TATDN3: variants seen among roughly 807,000 people sequenced by gnomAD.
TATDN3 encodes deoxyribonuclease TATDN3.
A neutral mutation model predicts 40.1 loss-of-function variants in TATDN3; 29 were observed. The observed-to-expected ratio is 0.72, with a 90% CI of 0.54 to 0.99. The LOEUF is 0.99. Ranked by LOEUF, TATDN3 falls within the 50% of genes least tolerant of loss-of-function variation. The probability of loss-of-function intolerance (pLI) is 0.00; values close to 1 mark genes in which losing one functional copy is unlikely to be tolerated. For synonymous variants in TATDN3, 105 were observed against 117.0 expected (o/e 0.90, Z 0.66); for missense variants, 309 against 321.9 (o/e 0.96, Z 0.31).
intron 3 of TATDN3, 189 bp downstream of exon 3, chr1:212,796,779 C>A: frequency 2.0e-6 from 1 of 493,602 alleles, no homozygotes. Context: ...GCTCTGTCAC[C>A]CAAGCTGGAG....
intron 3 of TATDN3, 39 bp from the exon 4 acceptor site, chr1:212,797,073 C>A: frequency 1.4e-6 from 2 of 1,472,394 alleles, no homozygotes; most frequent in Non-Finnish European, 1.9e-6. Context: ...ATCTACTAGT[C>A]TACTGTTCCT....
At chr1:212,801,213 A>G (rs1430241442) in intron 4 of TATDN3, among the ~76,000 whole-genome samples, 1 of 151,914 alleles carries the variant, frequency 6.6e-6, no homozygotes, top group Non-Finnish European at 1.5e-5. Flanking sequence ...CAAAAACACA[A>G]AAGTATAATA....
intron 4 of TATDN3, 90 bp from the exon 5 acceptor site, chr1:212,802,611 C>G: frequency 1.2e-6 from 1 of 848,186 alleles, no homozygotes; most frequent in Non-Finnish European, 2.0e-6. Flanking sequence ...TGTAAAGCAC[C>G]AGGATGGCAT....
At position 212,796,601 on chromosome 1, in the gene TATDN3, T is replaced by A. The variant is rs769909996; in HGVS notation, c.173+11T>A. On this transcript the variant is annotated intron_variant, in intron 3 of 9. Coordinates refer to ENST00000366974, the MANE Select transcript of TATDN3 (RefSeq NM_001042552.3). ...GCAACTTTCAGAAAGGTGCTACTTT[T>A]AATTAAGATTTTAAAGGGTTGCTAA... The A allele has an allele frequency of 1.9e-6, 3 of 1,551,824 alleles. No homozygotes were observed. The highest frequency in any genetic ancestry group is 2.6e-6 in the Non-Finnish European group (3 of 1,151,764).
chr1:212,814,063 TC>T (rs138970072), intron 9 of TATDN3, among the ~76,000 whole-genome samples: 3,250 of 152,118 alleles, frequency 0.021, 57 homozygotes, highest in Non-Finnish European at 0.033. Flanking sequence ...CAAGTGATCC[TC>T]CCACCTCGGC....
In TATDN3 at chr1:212,795,083, T is replaced by C; in HGVS notation, c.67-12T>C. ...CATCTAAAATAATGGTGATTTCTTA[T>C]GCTTGTTTTAGGATTTGGATGATGT... On this transcript the variant is annotated splice_polypyrimidine_tract_variant and intron_variant, in intron 1 of 9. Transcript: ENST00000366974. The C allele has an allele frequency of 1.2e-6, 2 of 1,608,814 alleles. No homozygotes were observed. Among genetic ancestry groups the C allele is most frequent in the Non-Finnish European group, 1.7e-6 (2 of 1,175,522 alleles).
intron 8 of TATDN3, among the ~76,000 whole-genome samples, chr1:212,809,266 G>A (rs1219374499): frequency 6.6e-6 from 1 of 152,196 alleles, no homozygotes; most frequent in Non-Finnish European, 1.5e-5. Flanking sequence ...TCTTTTTGGA[G>A]TGATGAAAAT....
At chr1:212,792,915 CA>C (rs1661449505) in intron 1 of TATDN3, 1 of 152,236 alleles carries the variant, frequency 6.6e-6, no homozygotes, top group African/African-American at 2.4e-5. Context: ...GGTTTTATTT[CA>C]GGGGGAAATC....
intron 4 of TATDN3, among the ~76,000 whole-genome samples, chr1:212,799,882 ATGT>A (rs1662066432): frequency 6.6e-6 from 1 of 152,194 alleles, no homozygotes; most frequent in South Asian, 2.1e-4. Flanking sequence ...AACTTATCAA[ATGT>A]TGTGATAATA....
intron 8 of TATDN3, among the ~76,000 whole-genome samples, chr1:212,810,295 G>A (rs1032743611): frequency 2.6e-5 from 4 of 151,890 alleles, no homozygotes; most frequent in East Asian, 1.9e-4. Context: ...GGATCACGAC[G>A]TGGTCAGGAG....
At chr1:212,801,088 G>C (rs1662147750) in intron 4 of TATDN3, among the ~76,000 whole-genome samples, 1 of 151,790 alleles carries the variant, frequency 6.6e-6, no homozygotes, top group Non-Finnish European at 1.5e-5. Flanking sequence ...TACTCGAGAG[G>C]CTGAGATGGG....
At chr1:212,806,440 T>C (rs1662472696) in intron 7 of TATDN3, among the ~76,000 whole-genome samples, 1 of 147,662 alleles carries the variant, frequency 6.8e-6, no homozygotes, top group South Asian at 2.2e-4. Flanking sequence ...GGGCGATCTC[T>C]GCTCACTGCA....
intron 8 of TATDN3, among the ~76,000 whole-genome samples, chr1:212,810,726 T>C (rs537695506): frequency 6.6e-6 from 1 of 151,820 alleles, no homozygotes; most frequent in Non-Finnish European, 1.5e-5. Context: ...ACATAAAGCT[T>C]TGAGTGCCTT....
At chr1:212,805,528 T>TCGCACCAC (rs1662406585) in intron 7 of TATDN3, among the ~76,000 whole-genome samples, 1 of 152,206 alleles carries the variant, frequency 6.6e-6, no homozygotes, top group Non-Finnish European at 1.5e-5. Flanking sequence ...AGTGCTGGGA[T>TCGCACCAC]TACAGGCGTG....
At chr1:212,806,843 T>TACACATATATACATATATAC (rs1662551723) in intron 7 of TATDN3, among the ~76,000 whole-genome samples, 1 of 96,074 alleles carries the variant, frequency 1.0e-5, no homozygotes, top group Non-Finnish European at 2.0e-5. Flanking sequence ...TATACATATA[T>TACACATATATACATATATAC]ACACATATAT....
At chr1:212,808,425 GAAA>G (rs1662674197) in intron 8 of TATDN3, among the ~76,000 whole-genome samples, 1 of 150,908 alleles carries the variant, frequency 6.6e-6, no homozygotes, top group Non-Finnish European at 1.5e-5. Flanking sequence ...AGCAACCAAA[GAAA>G]AAAACAAATT....
At position 212,802,699 on chromosome 1, in the gene TATDN3, A is replaced by T; in HGVS notation, c.259-2A>T. 6.2e-7 allele frequency: 1 copy of T among 1,610,168 alleles called. No homozygotes were observed. The highest frequency in any genetic ancestry group is 8.5e-7 in the Non-Finnish European group (1 of 1,176,510). On this transcript the variant is annotated splice_acceptor_variant, in intron 4 of 9. Coordinates refer to ENST00000366974, the MANE Select transcript of TATDN3 (RefSeq NM_001042552.3). LOFTEE classifies it high-confidence loss of function. ...TTAACAATTTTACTTTTTTTCTCCC[A>T]GGATTTGGATGTAGCTTTGCCCATT...
At position 212,802,709 on chromosome 1, in the gene TATDN3, T is replaced by C; in HGVS notation, c.267T>C (p.Asp89=). The change falls in exon 5 of 10, where the codon GAT becomes GAC. Residue 89 remains aspartate, a synonymous_variant. Coordinates refer to ENST00000366974, the MANE Select transcript of TATDN3 (RefSeq NM_001042552.3). ...DQRSVTLKDL[D]VALPIIENYK... ...TACTTTTTTTCTCCCAGGATTTGGA[T>C]GTAGCTTTGCCCATTATTGAGAATT... 6.2e-7 allele frequency: 1 copy of C among 1,612,126 alleles called. No individual in the cohort carries two copies. The highest frequency in any genetic ancestry group is 8.5e-7 in the Non-Finnish European group (1 of 1,178,178).
intron 4 of TATDN3, among the ~76,000 whole-genome samples, chr1:212,797,934 A>G (rs567490662): frequency 6.6e-6 from 1 of 152,308 alleles, no homozygotes; most frequent in South Asian, 2.1e-4. Flanking sequence ...CCACAGTTTC[A>G]TGAGTGTTTT....
Sources: gnomAD v4.1 joint callset for allele counts (sites outside exome capture counted in the v4.1 genomes callset) on GRCh38, gnomAD v4.1.1 for gene constraint, MANE v1.5 for transcripts, NCBI Gene and HGNC (gene_info 2026-07-23, HGNC 2026-07-21) for gene names.